Variants in TMF1 observed in about 807,000 individuals in gnomAD.
TMF1 encodes TATA element modulatory factor.
Under a neutral mutation model 126.5 loss-of-function variants are expected in TMF1, and 71 were observed. That is an observed-to-expected ratio of 0.56 (90% confidence interval 0.46 to 0.68). TMF1 has a LOEUF of 0.68. Ranked by LOEUF, TMF1 falls within the 30% of genes least tolerant of loss-of-function variation. The pLI is 0.00. For synonymous variants in TMF1, 461 were observed against 430.5 expected, an observed-to-expected ratio of 1.07 and a Z score of -0.88; for missense variants, 1,259 against 1,253.2, an observed-to-expected ratio of 1.00 and a Z score of -0.07.
intron 13 of TMF1, 44 bp from the exon 14 acceptor site, chr3:69,026,141 G>A (rs1266864494): frequency 1.5e-6 from 2 of 1,297,448 alleles, no homozygotes; most frequent in East Asian, 4.6e-5. Flanking sequence ...AGAGCAAAGA[G>A]ATAAGCAGAG....
In TMF1 at chr3:69,038,880, T is replaced by G; in HGVS notation, c.1957A>C (p.Asn653His). 5 of 1,611,120 alleles carry G rather than the reference T, an allele frequency of 3.1e-6. No homozygotes were observed. Among genetic ancestry groups the G allele is most frequent in the Non-Finnish European group, 4.2e-6 (5 of 1,179,066 alleles). ...TCCAGGGCAGCCTGAATACTTCGGT[T>G]CTTTTCTTCAAGTTCATCCATGTCT... Reference protein sequence around the residue: ...QVDMDELEEKNRSIQAALDSA... With the variant: ...QVDMDELEEKHRSIQAALDSA... Residue 653 changes from asparagine to histidine, a missense_variant, in exon 7 of 17, where the codon AAC becomes CAC. Asn to His is a moderately conservative substitution (Grantham distance 68). Coordinates refer to ENST00000398559, the MANE Select transcript of TMF1 (RefSeq NM_007114.3).
At position 69,052,248 on chromosome 3, in the gene TMF1, C is replaced by T; in HGVS notation, c.-162G>A. On this transcript the variant is annotated 5_prime_UTR_variant, in exon 1 of 17. Transcript: ENST00000398559. ...GCCTCCCGCGAGCCCGGGATGTTAC[C>T]CTCGGCCGTTCCCGCACAGCTGAGA... 1 of 741,932 alleles carries T rather than the reference C, an allele frequency of 1.3e-6. No homozygotes were observed. Among genetic ancestry groups the T allele is most frequent in the Non-Finnish European group, 2.1e-6 (1 of 485,910 alleles). The allele number at this position is 741,932 out of a possible 1,614,324, so 46.0% of individuals were successfully genotyped here.
intron 3 of TMF1, 98 bp from the exon 4 acceptor site, chr3:69,043,974 C>CA: frequency 2.1e-6 from 2 of 934,964 alleles, no homozygotes; most frequent in Non-Finnish European, 3.0e-6. Flanking sequence ...TTTTCTCTGA[C>CA]ATATACCTTA....
Position 69,039,584 on chromosome 3 carries a change from TTTAAC to T in TMF1, c.1789_1793del (p.Val597ArgfsTer14). The T allele has an allele frequency of 6.2e-7, 1 of 1,613,380 alleles. No individual in the cohort carries two copies. The highest frequency in any genetic ancestry group is 8.5e-7 in the Non-Finnish European group (1 of 1,179,850). On this transcript the variant is annotated frameshift_variant, in exon 6 of 17. Transcript: ENST00000398559. LOFTEE classifies it high-confidence loss of function. ...AATGCTGCAACTCCTCTTCTAGCTCTTTAACTTTTTTGTTCAGCTTTGCAACCATA... is the reference window on the plus strand; with the variant it reads ...AATGCTGCAACTCCTCTTCTAGCTCTTTTTTTGTTCAGCTTTGCAACCATA...
chr3:69,029,046 T>A lies in TMF1; in HGVS notation c.2595-751A>T, dbSNP rs550141046. 1.7e-3 allele frequency among the ~76,000 whole-genome samples: 251 copies of A among 151,662 alleles called. 1 individual carries two copies. The highest frequency in any genetic ancestry group is 9.2e-3 in the East Asian group (47 of 5,094). On this transcript the variant is annotated intron_variant, in intron 11 of 16. Coordinates refer to ENST00000398559, the MANE Select transcript of TMF1 (RefSeq NM_007114.3). ...TAATATCCTATTACTTTATTTATTT[T>A]TTTTTTTTTGGAGACGGAGTCTCGC...
At position 69,028,271 on chromosome 3, in the gene TMF1, T is replaced by C; in HGVS notation, c.2619A>G (p.Leu873=). 1.2e-6 allele frequency: 2 copies of C among 1,613,180 alleles called. No individual in the cohort carries two copies. The highest frequency in any genetic ancestry group is 1.7e-6 in the Non-Finnish European group (2 of 1,179,496). Residue 873 remains leucine, a synonymous_variant, in exon 12 of 17, where the codon CTA becomes CTG. Coordinates refer to ENST00000398559, the MANE Select transcript of TMF1 (RefSeq NM_007114.3). ...NNRYQVELEN[L]KDEYVRTLEE... ...CAAGTGTTCTTACATATTCATCTTT[T>C]AGGTTTTCCAATTCAACCTGGTACC...
chr3:69,047,274 T>C, intron 2 of TMF1, 84 bp downstream of exon 2: 3 of 1,419,326 alleles, frequency 2.1e-6, no homozygotes, highest in Non-Finnish European at 2.8e-6. Flanking sequence ...TAAATTATTA[T>C]GCATCAATGA....
chr3:69,029,287 G>A (rs768362555), intron 11 of TMF1, among the ~76,000 whole-genome samples: 20 of 151,854 alleles, frequency 1.3e-4, no homozygotes, highest in Admixed American at 3.9e-4. Flanking sequence ...ACCTGCCTCA[G>A]CCTCCCAAAG....
At chr3:69,048,714 C>G in intron 1 of TMF1, 152 bp from the exon 2 acceptor site, 1 of 682,036 alleles carries the variant, frequency 1.5e-6, no homozygotes, top group East Asian at 3.0e-5. Context: ...CTTACTACAT[C>G]ATTAAGTAGT....
intron 8 of TMF1, chr3:69,035,461 T>G (rs1000518845): frequency 2.2e-5 from 4 of 181,512 alleles, no homozygotes; most frequent in Non-Finnish European, 3.5e-5. Context: ...TTATAAAAGC[T>G]GGGGGCTCCA....
chr3:69,045,707 G>A (rs773919339), intron 2 of TMF1, among the ~76,000 whole-genome samples: 2 of 152,012 alleles, frequency 1.3e-5, no homozygotes, highest in Non-Finnish European at 2.9e-5. Flanking sequence ...TTGAACCTGG[G>A]AGGCAGACTA....
chr3:69,033,533 A>T lies in TMF1; in HGVS notation c.2401+15T>A, dbSNP rs201961736. 9.7e-5 allele frequency: 156 copies of T among 1,606,064 alleles called. No individual in the cohort carries two copies. Among genetic ancestry groups the T allele is most frequent in the Middle Eastern group, 5.0e-4 (3 of 6,022 alleles). ...GAAGAGCTTCTGCATCGAGCATAAA[A>T]ACTAAAGCAGTTACCAAGCCTATCA... On this transcript the variant is annotated intron_variant, in intron 10 of 16. Transcript: ENST00000398559.
At chr3:69,023,895 C>G (rs997658948) in intron 16 of TMF1, among the ~76,000 whole-genome samples, 160 bp downstream of exon 16, 6 of 152,048 alleles carry the variant, frequency 3.9e-5, no homozygotes, top group Non-Finnish European at 5.9e-5. Flanking sequence ...TGTAAAGATA[C>G]AAGCAAGATA....
At chr3:69,050,655 G>A (rs893687249) in intron 1 of TMF1, among the ~76,000 whole-genome samples, 1 of 152,104 alleles carries the variant, frequency 6.6e-6, no homozygotes, top group African/African-American at 2.4e-5. Context: ...GGGCACATAT[G>A]AAAAAACAGA....
intron 5 of TMF1, among the ~76,000 whole-genome samples, chr3:69,039,981 C>CAG (rs1559633167): frequency 6.6e-6 from 1 of 152,204 alleles, no homozygotes; most frequent in African/African-American, 2.4e-5. Context: ...ACTAAGCATT[C>CAG]AGTTTTGGCA....
chr3:69,039,079 G>A (rs2091849089), intron 6 of TMF1, 70 bp from the exon 7 acceptor site: 2 of 1,180,830 alleles, frequency 1.7e-6, no homozygotes, highest in East Asian at 5.1e-5. Flanking sequence ...TGTATTCCAG[G>A]AATCTATAAT....
intron 11 of TMF1, 54 bp from the exon 12 acceptor site, chr3:69,028,349 A>G: frequency 4.8e-6 from 6 of 1,261,088 alleles, no homozygotes; most frequent in Non-Finnish European, 6.8e-6. Flanking sequence ...ATGCTAGTAT[A>G]GACTATTAAA....
intron 11 of TMF1, among the ~76,000 whole-genome samples, chr3:69,028,999 TCCCA>T: frequency 6.6e-6 from 1 of 151,794 alleles, no homozygotes; most frequent in Non-Finnish European, 1.5e-5. Context: ...TGACAATGAA[TCCCA>T]GTACTATCTT....
intron 5 of TMF1, 90 bp from the exon 6 acceptor site, chr3:69,039,783 C>G: frequency 5.7e-6 from 8 of 1,414,610 alleles, no homozygotes; most frequent in Non-Finnish European, 7.6e-6. Flanking sequence ...CATAAAAGAA[C>G]AGAATTTTTT....
Sources: allele counts gnomAD v4.1 joint callset (sites outside exome capture counted in the v4.1 genomes callset), GRCh38; gene constraint gnomAD v4.1.1; transcripts MANE v1.5; gene names NCBI Gene and HGNC (gene_info 2026-07-23, HGNC 2026-07-21).